The following PARD3 variants were observed in gnomAD, a reference collection of about 807,000 sequenced individuals.
PARD3 encodes the protein par-3 family cell polarity regulator.
In PARD3, 75 loss-of-function variants were observed where a neutral mutation model predicts 155.4. That is an observed-to-expected ratio of 0.48 (90% CI 0.40 to 0.58). The LOEUF (loss-of-function observed/expected upper bound fraction) is 0.58, where lower values mean the gene tolerates loss of function less well. Ranked by LOEUF, PARD3 falls within the 20% of genes least tolerant of loss-of-function variation. PARD3 has a pLI of 0.00. For missense variants in PARD3, 1,642 were observed against 1,721.7 expected, an observed-to-expected ratio of 0.95 and a Z score of 0.82; for synonymous variants, 576 against 610.5, an observed-to-expected ratio of 0.94 and a Z score of 0.83.
At chr10:34,785,045 A>T (rs954292841) in intron 1 of PARD3, among the ~76,000 whole-genome samples, 3 of 152,234 alleles carry the variant, frequency 2.0e-5, no homozygotes, top group Non-Finnish European at 2.9e-5. Flanking sequence ...ATAGGAACAA[A>T]TATTAAACTG....
In PARD3 at chr10:34,113,137, A is replaced by G. The variant is rs551208801; in HGVS notation, c.3669-1575T>C. Among the ~76,000 whole-genome samples the G allele has an allele frequency of 4.6e-5, 7 of 152,302 alleles. No homozygotes were observed. The South Asian group carries it at 8.3e-4, about 18-fold the overall frequency. ...ACAGCAACAAAAATGGGATTCTTTT[A>G]TGAGTTATCAGTTTGAAGATAATCA... On this transcript the variant is annotated intron_variant, in intron 24 of 24. Transcript: ENST00000374788.
intron 22 of PARD3, among the ~76,000 whole-genome samples, chr10:34,247,302 G>C (rs1954017615): frequency 6.6e-6 from 1 of 152,170 alleles, no homozygotes; most frequent in Non-Finnish European, 1.5e-5. Context: ...AGGAGTTCGA[G>C]ACCAGCCTGG....
intron 1 of PARD3, among the ~76,000 whole-genome samples, chr10:34,757,904 G>A (rs778775335): frequency 6.6e-6 from 1 of 152,114 alleles, no homozygotes; most frequent in Non-Finnish European, 1.5e-5. Context: ...TGATGCTTCA[G>A]TATACTATTA....
At chr10:34,146,797 C>G (rs1948530961) in intron 22 of PARD3, among the ~76,000 whole-genome samples, 1 of 152,212 alleles carries the variant, frequency 6.6e-6, no homozygotes, top group Non-Finnish European at 1.5e-5. Flanking sequence ...ACTTTTCCCA[C>G]TGCATGCTCC....
intron 22 of PARD3, among the ~76,000 whole-genome samples, chr10:34,186,430 T>C (rs568672516): frequency 1.2e-4 from 18 of 151,392 alleles, no homozygotes; most frequent in African/African-American, 4.1e-4. Context: ...AACACTGGGA[T>C]TTTCAGGTGC....
At chr10:34,394,642 A>C (rs1308073510) in intron 7 of PARD3, among the ~76,000 whole-genome samples, 2 of 152,198 alleles carry the variant, frequency 1.3e-5, no homozygotes, top group Admixed American at 1.3e-4. Context: ...ACAAAATCTT[A>C]TCATTTCATA....
At chr10:34,295,040 A>G (rs1418021436) in intron 20 of PARD3, among the ~76,000 whole-genome samples, 1 of 152,150 alleles carries the variant, frequency 6.6e-6, no homozygotes, top group Non-Finnish European at 1.5e-5. Flanking sequence ...CACCTCCACA[A>G]AAACTCAAAA....
chr10:34,512,593 T>C lies in PARD3; in HGVS notation c.403+4386A>G, dbSNP rs564708274. 8.5e-4 allele frequency among the ~76,000 whole-genome samples: 130 copies of C among 152,318 alleles called. No individual in the cohort carries two copies. The Middle Eastern group carries it at 0.024, about 28-fold the overall frequency. On this transcript the variant is annotated intron_variant, in intron 3 of 24. Transcript: ENST00000374788. ...AATGAAAAATGCTATTTCCAGAGCA[T>C]AGTCTGGATTGAGAAATGCTGAGTT... is the stretch of plus-strand genomic sequence containing the variant.
At chr10:34,256,180 T>C (rs977307233) in intron 22 of PARD3, among the ~76,000 whole-genome samples, 3 of 152,284 alleles carry the variant, frequency 2.0e-5, no homozygotes, top group Non-Finnish European at 2.9e-5. Flanking sequence ...AGACTTTATA[T>C]CATTTCCTCT....
chr10:34,580,427 C>T (rs1372002807), intron 2 of PARD3, among the ~76,000 whole-genome samples: 1 of 151,994 alleles, frequency 6.6e-6, no homozygotes, highest in Non-Finnish European at 1.5e-5. Context: ...CCCAGCTACT[C>T]GGGAGGCTGA....
intron 7 of PARD3, among the ~76,000 whole-genome samples, chr10:34,392,995 A>G (rs192178744): frequency 5.3e-5 from 8 of 152,046 alleles, no homozygotes; most frequent in South Asian, 4.2e-4. Flanking sequence ...AGCTTTGTTT[A>G]TATCTTGTCA....
intron 2 of PARD3, among the ~76,000 whole-genome samples, chr10:34,519,996 G>A (rs1320741641): frequency 2.0e-5 from 3 of 152,008 alleles, no homozygotes; most frequent in South Asian, 2.1e-4. Context: ...AGCCTTCCAA[G>A]AAAAGAACCA....
intron 4 of PARD3, among the ~76,000 whole-genome samples, chr10:34,466,170 G>C (rs1198421977): frequency 1.3e-5 from 2 of 152,032 alleles, no homozygotes; most frequent in African/African-American, 4.8e-5. Flanking sequence ...TTTGAAAAAA[G>C]CCACAACTCC....
At chr10:34,681,682 T>C (rs1418252783) in intron 2 of PARD3, among the ~76,000 whole-genome samples, 1 of 139,028 alleles carries the variant, frequency 7.2e-6, no homozygotes. Flanking sequence ...AATATACATG[T>C]ATATAATTAG....
intron 2 of PARD3, among the ~76,000 whole-genome samples, chr10:34,691,146 T>A (rs1241361044): frequency 6.6e-6 from 1 of 152,060 alleles, no homozygotes; most frequent in African/African-American, 2.4e-5. Flanking sequence ...AGAGAGGAAG[T>A]CAAACTCTCC....
At chr10:34,214,883 A>G (rs1951927211) in intron 22 of PARD3, among the ~76,000 whole-genome samples, 1 of 152,062 alleles carries the variant, frequency 6.6e-6, no homozygotes, top group African/African-American at 2.4e-5. Flanking sequence ...AGGCCCCTTG[A>G]AAAAAAATCT....
chr10:34,622,553 T>C (rs993520310), intron 2 of PARD3, among the ~76,000 whole-genome samples: 9 of 152,210 alleles, frequency 5.9e-5, no homozygotes, highest in African/African-American at 2.2e-4. Flanking sequence ...GAAAGTCATT[T>C]CAGTGATAAA....
At chr10:34,187,090 A>G (rs1004357549) in intron 22 of PARD3, among the ~76,000 whole-genome samples, 2 of 152,298 alleles carry the variant, frequency 1.3e-5, no homozygotes, top group Non-Finnish European at 2.9e-5. Flanking sequence ...GTGGTGTTTC[A>G]GTTTATTGCT....
chr10:34,220,602 C>A (rs540829136), intron 22 of PARD3, among the ~76,000 whole-genome samples: 4 of 152,120 alleles, frequency 2.6e-5, no homozygotes, highest in Non-Finnish European at 4.4e-5. Flanking sequence ...AATACAGGCA[C>A]CCGAAATGCA....
Sources: gnomAD v4.1 joint callset for allele counts (sites outside exome capture counted in the v4.1 genomes callset) on GRCh38, gnomAD v4.1.1 for gene constraint, MANE v1.5 for transcripts, NCBI Gene and HGNC (gene_info 2026-07-23, HGNC 2026-07-21) for gene names.